The following GRM7 variants were observed in gnomAD, a reference collection of about 807,000 sequenced individuals.
The protein encoded by GRM7 is glutamate metabotropic receptor 7, also known as metabotropic glutamate receptor 7.
A neutral mutation model predicts 84.5 loss-of-function variants in GRM7; 35 were observed. That is an observed-to-expected ratio of 0.41 (90% CI 0.32 to 0.55). The LOEUF (loss-of-function observed/expected upper bound fraction) is 0.55, where lower values mean the gene tolerates loss of function less well. Among genes scored for constraint, GRM7 ranks in the 20% least tolerant of loss-of-function variants. GRM7 has a pLI of 0.19. For missense variants in GRM7, 1,003 were observed against 1,194.6 expected (o/e 0.84, Z 2.36); for synonymous variants, 487 against 455.1 (o/e 1.07, Z -0.89).
intron 1 of GRM7, among the ~76,000 whole-genome samples, chr3:7,021,952 A>G (rs776918834): frequency 9.9e-5 from 15 of 152,230 alleles, no homozygotes; most frequent in Non-Finnish European, 1.9e-4. Flanking sequence ...TTTTTCATAT[A>G]GAAATAAATT....
At chr3:7,194,767 T>C (rs1322711943) in intron 2 of GRM7, among the ~76,000 whole-genome samples, 2 of 152,186 alleles carry the variant, frequency 1.3e-5, no homozygotes, top group Non-Finnish European at 2.9e-5. Flanking sequence ...TACAGCGTTG[T>C]TGTAAGGGTA....
intron 8 of GRM7, among the ~76,000 whole-genome samples, chr3:7,665,142 C>T (rs1699632308): frequency 6.7e-6 from 1 of 150,364 alleles, no homozygotes; most frequent in Non-Finnish European, 1.5e-5. Context: ...GTTTCAACTG[C>T]ATACGGAGAA....
At chr3:7,184,448 A>C (rs1695447663) in intron 2 of GRM7, among the ~76,000 whole-genome samples, 1 of 152,074 alleles carries the variant, frequency 6.6e-6, no homozygotes, top group Non-Finnish European at 1.5e-5. Context: ...ATATATACAA[A>C]AATATTTTGA....
intron 1 of GRM7, among the ~76,000 whole-genome samples, chr3:7,123,117 A>G (rs1693279492): frequency 6.6e-6 from 1 of 152,256 alleles, no homozygotes; most frequent in Non-Finnish European, 1.5e-5. Flanking sequence ...CAAATAATGT[A>G]TCCATCTTCT....
chr3:7,284,225 C>T (rs886087309), intron 2 of GRM7, among the ~76,000 whole-genome samples: 3 of 151,754 alleles, frequency 2.0e-5, no homozygotes, highest in Non-Finnish European at 4.4e-5. Context: ...ATGCTGATTA[C>T]CAAAGTACCA....
chr3:6,938,063 G>A (rs191553683), intron 1 of GRM7, among the ~76,000 whole-genome samples: 4 of 152,300 alleles, frequency 2.6e-5, no homozygotes, highest in Non-Finnish European at 4.4e-5. Context: ...AAGTTAGGTT[G>A]TCTGACTCCA....
intron 4 of GRM7, among the ~76,000 whole-genome samples, chr3:7,359,061 G>A (rs1312950335): frequency 1.4e-5 from 2 of 145,146 alleles, no homozygotes; most frequent in South Asian, 2.2e-4. Flanking sequence ...GTGGTGAGCC[G>A]AGATCATGCC....
rs1316045078 is a variant in GRM7, at chr3:7,122,425, AT to A, written c.520-24020del. Among the ~76,000 whole-genome samples the A allele has an allele frequency of 5.3e-5, 8 of 151,244 alleles. No homozygotes were observed. The South Asian group carries it at 1.2e-3, about 24-fold the overall frequency. On this transcript the variant is annotated intron_variant, in intron 1 of 9. Coordinates refer to ENST00000357716, the MANE Select transcript of GRM7 (RefSeq NM_000844.4). ...TAAATTTATAGGTTGTCAAAAAAAG[AT>A]TTTTTTAAGAAACCCTAATTCTGAA...
chr3:7,354,339 T>G (rs1693292158), intron 4 of GRM7, among the ~76,000 whole-genome samples: 2 of 151,960 alleles, frequency 1.3e-5, no homozygotes, highest in Non-Finnish European at 2.9e-5. Context: ...ATTAATGGAG[T>G]GTTACCTCAT....
chr3:7,252,300 TC>T (rs1454580852), intron 2 of GRM7, among the ~76,000 whole-genome samples: 2 of 152,168 alleles, frequency 1.3e-5, no homozygotes, highest in African/African-American at 4.8e-5. Context: ...AGTTTTATTT[TC>T]CTGTCTGCCT....
chr3:7,641,895 A>G (rs1188317680), intron 8 of GRM7, among the ~76,000 whole-genome samples: 1 of 152,124 alleles, frequency 6.6e-6, no homozygotes, highest in Non-Finnish European at 1.5e-5. Flanking sequence ...GGTATTTTCT[A>G]TGAGCTCACA....
At chr3:7,558,419 T>C (rs1223245250) in intron 7 of GRM7, among the ~76,000 whole-genome samples, 1 of 152,064 alleles carries the variant, frequency 6.6e-6, no homozygotes, top group African/African-American at 2.4e-5. Flanking sequence ...ACTAACCTAG[T>C]ATTCAAAAAG....
At chr3:7,680,662 T>A (rs542472402) in intron 9 of GRM7, 4 of 229,204 alleles carry the variant, frequency 1.7e-5, no homozygotes, top group Admixed American at 1.0e-4. Context: ...CCATACTTAA[T>A]GAACTGTATC....
At chr3:6,890,768 T>G (rs1310894506) in intron 1 of GRM7, among the ~76,000 whole-genome samples, 1 of 151,972 alleles carries the variant, frequency 6.6e-6, no homozygotes, top group African/African-American at 2.4e-5. Flanking sequence ...TAGAGCTGAG[T>G]TCAATTCCTG....
intron 5 of GRM7, among the ~76,000 whole-genome samples, chr3:7,430,597 TC>T: frequency 6.6e-6 from 1 of 152,342 alleles, no homozygotes; most frequent in African/African-American, 2.4e-5. Context: ...ACAGCTCTAC[TC>T]CTAAGCATTT....
chr3:7,674,361 G>A (rs981893354), intron 8 of GRM7, among the ~76,000 whole-genome samples: 4 of 151,830 alleles, frequency 2.6e-5, no homozygotes, highest in East Asian at 1.9e-4. Context: ...CTAGCTAACC[G>A]TTGTATTTTT....
chr3:7,007,282 C>G (rs1402590517), intron 1 of GRM7, among the ~76,000 whole-genome samples: 1 of 152,142 alleles, frequency 6.6e-6, no homozygotes, highest in Non-Finnish European at 1.5e-5. Flanking sequence ...CACACCTAAC[C>G]TGTATCGTGA....
chr3:7,520,661 C>T (rs943267050), intron 7 of GRM7, among the ~76,000 whole-genome samples: 1 of 152,132 alleles, frequency 6.6e-6, no homozygotes, highest in Non-Finnish European at 1.5e-5. Context: ...AGACAGGTTT[C>T]CTGGAGCCTG....
intron 1 of GRM7, among the ~76,000 whole-genome samples, chr3:7,050,521 A>C (rs534375062): frequency 1.3e-5 from 2 of 151,904 alleles, no homozygotes; most frequent in South Asian, 2.1e-4. Context: ...TAATGTAAAC[A>C]GTTTAATGAT....
Sources: gnomAD v4.1 joint callset for allele counts (sites outside exome capture counted in the v4.1 genomes callset) on GRCh38, gnomAD v4.1.1 for gene constraint, MANE v1.5 for transcripts, NCBI Gene and HGNC (gene_info 2026-07-23, HGNC 2026-07-21) for gene names.